MTMR3: variants seen among roughly 807,000 people sequenced by gnomAD.
MTMR3 encodes the protein phosphatidylinositol-3,5-bisphosphate 3-phosphatase MTMR3.
A neutral mutation model predicts 132.4 loss-of-function variants in MTMR3; 32 were observed. The ratio of observed to expected loss-of-function variants is 0.24; its 90% CI spans 0.18 to 0.32. The LOEUF (loss-of-function observed/expected upper bound fraction) is 0.32. Among genes scored for constraint, MTMR3 ranks in the 10% least tolerant of loss-of-function variants. The pLI is 1.00. For synonymous variants in MTMR3, 556 were observed against 550.3 expected, an observed-to-expected ratio of 1.01 and a Z score of -0.14; for missense variants, 1,216 against 1,489.6, an observed-to-expected ratio of 0.82 and a Z score of 3.02.
chr22:29,983,298 C>G lies in MTMR3; in HGVS notation c.210+4246C>G, dbSNP rs577221490. The G allele has an allele frequency of 2.0e-5, 3 of 152,246 alleles. No individual in the cohort carries two copies. In the South Asian group the frequency reaches 6.2e-4, roughly 32 times the overall value. The allele number at this position is 152,246 out of a possible 1,614,324, so 9.4% of individuals were successfully genotyped here. On this transcript the variant is annotated intron_variant, in intron 5 of 19. Coordinates refer to ENST00000401950, the MANE Select transcript of MTMR3 (RefSeq NM_021090.4). Reference sequence around the variant, plus strand: ...TTCTGTTAGAAATAATTTGTAAAATCAACACTAGTTTTTTTTTCTTTCACT... The same window carrying G: ...TTCTGTTAGAAATAATTTGTAAAATGAACACTAGTTTTTTTTTCTTTCACT...
In MTMR3 at chr22:30,012,351, C is replaced by A; in HGVS notation, c.1122-17C>A. 1 of 1,605,442 alleles carries A rather than the reference C, an allele frequency of 6.2e-7. No individual in the cohort carries two copies. Among genetic ancestry groups the A allele is most frequent in the Admixed American group, 1.7e-5 (1 of 57,518 alleles). ...ATAAAAAAATCAGCATTTTCTAATC[C>A]TCTCCTGTTTTTATAGTTGGCTATC... On this transcript the variant is annotated splice_polypyrimidine_tract_variant and intron_variant, in intron 12 of 19. Coordinates refer to ENST00000401950, the MANE Select transcript of MTMR3 (RefSeq NM_021090.4).
chr22:29,946,064 T>C (rs2065948939), intron 1 of MTMR3, among the ~76,000 whole-genome samples: 1 of 152,002 alleles, frequency 6.6e-6, no homozygotes, highest in Non-Finnish European at 1.5e-5. Context: ...TAATTAAATA[T>C]AAGCAAATGT....
chr22:29,981,004 G>T (rs922337776), intron 5 of MTMR3: 1 of 152,036 alleles, frequency 6.6e-6, no homozygotes, highest in African/African-American at 2.4e-5. Flanking sequence ...TTCTCTTTTC[G>T]GCCCAGGAAC....
In MTMR3 at chr22:30,028,591, AG is replaced by A. The variant is rs1417686349; in HGVS notation, c.*2794del. Reference sequence around the variant, plus strand: ...TCCTCCCTCGGGAAGGTTGGTATTGAGGGGTGCCTTGCTCCAGAGGCGCCAG... The same window carrying A: ...TCCTCCCTCGGGAAGGTTGGTATTGAGGGTGCCTTGCTCCAGAGGCGCCAG... On this transcript the variant is annotated 3_prime_UTR_variant, in exon 20 of 20. Coordinates refer to ENST00000401950, the MANE Select transcript of MTMR3 (RefSeq NM_021090.4). 1 of 152,432 alleles carries A rather than the reference AG, an allele frequency of 6.6e-6. No homozygotes were observed. The highest frequency in any genetic ancestry group is 1.5e-5 in the Non-Finnish European group (1 of 68,150). The allele number at this position is 152,432 out of a possible 1,614,324, so 9.4% of individuals were successfully genotyped here.
At chr22:30,023,592 G>C in intron 19 of MTMR3, 1 of 1,354,832 alleles carries the variant, frequency 7.4e-7, no homozygotes, top group Non-Finnish European at 1.1e-6. Flanking sequence ...GAAGCCTGGG[G>C]CCTTGGGTGC....
chr22:29,899,805 T>A (rs1884227754), intron 1 of MTMR3: 1 of 152,228 alleles, frequency 6.6e-6, no homozygotes. Flanking sequence ...ATGCTGCTAA[T>A]GTTCTGTGTC....
At chr22:29,924,931 A>AATT (rs1346561156) in intron 1 of MTMR3, among the ~76,000 whole-genome samples, 5 of 152,222 alleles carry the variant, frequency 3.3e-5, no homozygotes, top group African/African-American at 1.2e-4. Context: ...GTTTATAATT[A>AATT]ATTTGGCTGT....
chr22:29,940,789 A>G (rs1303600382), intron 1 of MTMR3, among the ~76,000 whole-genome samples: 4 of 150,034 alleles, frequency 2.7e-5, no homozygotes. Flanking sequence ...CTTGGAGGCT[A>G]ATTATATTTA....
chr22:29,929,911 T>C (rs901072540), intron 1 of MTMR3, among the ~76,000 whole-genome samples: 1 of 152,142 alleles, frequency 6.6e-6, no homozygotes, highest in Non-Finnish European at 1.5e-5. Context: ...GTTTATAGCA[T>C]TGGACAAGTG....
rs2065773631 is a variant in MTMR3 at position 29,937,507 on chromosome 22, C to T, written c.-137-19529C>T. 2.0e-5 allele frequency among the ~76,000 whole-genome samples: 3 copies of T among 151,378 alleles called. 1 individual carries two copies. The South Asian group carries it at 6.2e-4, about 31-fold the overall frequency. On this transcript the variant is annotated intron_variant, in intron 1 of 19. Transcript: ENST00000401950. ...TCATAGCTTACTGCAGGCTTGAGCT[C>T]CTGGGGTTAAGTGATCCTCCTGCCT...
chr22:29,909,912 T>G (rs772270919), intron 1 of MTMR3, among the ~76,000 whole-genome samples: 2 of 151,896 alleles, frequency 1.3e-5, no homozygotes, highest in Non-Finnish European at 2.9e-5. Context: ...TCCCAGCACT[T>G]TGGGAGGCCG....
chr22:29,899,873 G>C (rs2145723700), intron 1 of MTMR3, among the ~76,000 whole-genome samples: 1 of 152,300 alleles, frequency 6.6e-6, no homozygotes, highest in South Asian at 2.1e-4. Flanking sequence ...TCGAGTAGTA[G>C]ACTTAGGAAA....
intron 2 of MTMR3, among the ~76,000 whole-genome samples, chr22:29,964,495 CT>C (rs1417617548): frequency 6.6e-6 from 1 of 152,142 alleles, no homozygotes; most frequent in African/African-American, 2.4e-5. Flanking sequence ...GCAGTTTTAA[CT>C]TTTCTCAGAT....
chr22:29,982,506 C>G (rs1054443831), intron 5 of MTMR3: 6 of 152,070 alleles, frequency 3.9e-5, no homozygotes, highest in Non-Finnish European at 5.9e-5. Context: ...GTTATTTTAT[C>G]TATATCAAAC....
At chr22:29,977,075 G>A (rs1190277379) in intron 3 of MTMR3, among the ~76,000 whole-genome samples, 3 of 152,092 alleles carry the variant, frequency 2.0e-5, no homozygotes, top group Non-Finnish European at 4.4e-5. Context: ...AGGATTACTT[G>A]AGCCCAGGAG....
chr22:29,942,099 C>T (rs183225266), intron 1 of MTMR3, among the ~76,000 whole-genome samples: 1 of 152,262 alleles, frequency 6.6e-6, no homozygotes, highest in East Asian at 1.9e-4. Context: ...GCAAAATTCA[C>T]CTCCGATATT....
At chr22:29,985,618 T>C (rs1380119017) in intron 5 of MTMR3, 2 of 152,188 alleles carry the variant, frequency 1.3e-5, no homozygotes, top group African/African-American at 4.8e-5. Context: ...GTTTCTCTTT[T>C]GTATGTCCCT....
At chr22:29,905,225 C>A (rs2065072736) in intron 1 of MTMR3, among the ~76,000 whole-genome samples, 1 of 152,090 alleles carries the variant, frequency 6.6e-6, no homozygotes. Context: ...CCCCAGATGC[C>A]CCTGTGGAAC....
intron 1 of MTMR3, among the ~76,000 whole-genome samples, chr22:29,909,765 A>G (rs5763595): frequency 0.92 from 140,435 of 152,280 alleles, 64,829 homozygotes; most frequent in East Asian, 1. Context: ...ATATCACCAT[A>G]TATGTAATTC....
Sources: allele counts gnomAD v4.1 joint callset (sites outside exome capture counted in the v4.1 genomes callset), GRCh38; gene constraint gnomAD v4.1.1; transcripts MANE v1.5; gene names NCBI Gene and HGNC (gene_info 2026-07-23, HGNC 2026-07-21).